ZFHX3: variants seen among roughly 807,000 people sequenced by gnomAD.
ZFHX3 encodes the protein zinc finger homeobox 3.
Under a neutral mutation model 279.1 loss-of-function variants are expected in ZFHX3, and 42 were observed. That is an observed-to-expected ratio of 0.15 (90% CI 0.12 to 0.19). ZFHX3 has a LOEUF of 0.19. ZFHX3 is among the 10% of genes least tolerant of loss of function. ZFHX3 has a pLI of 1.00. For synonymous variants in ZFHX3, 2,293 were observed against 1,957.8 expected, an observed-to-expected ratio of 1.17 and a Z score of -4.52; for missense variants, 4,981 against 4,754.0, an observed-to-expected ratio of 1.05 and a Z score of -1.40.
At chr16:73,711,012 C>G (rs376945602) in intron 1 of ZFHX3, among the ~76,000 whole-genome samples, 2 of 152,202 alleles carry the variant, frequency 1.3e-5, no homozygotes, top group South Asian at 4.1e-4. Context: ...TACGGAAAGA[C>G]GTGCTGTAAT....
intron 1 of ZFHX3, among the ~76,000 whole-genome samples, chr16:73,684,634 G>A (rs1166954931): frequency 6.6e-6 from 1 of 151,692 alleles, no homozygotes; most frequent in South Asian, 2.1e-4. Flanking sequence ...CAAATCAGCT[G>A]ACCTCAAAAT....
At chr16:73,283,978 T>G (rs978728637) in intron 4 of ZFHX3, among the ~76,000 whole-genome samples, 2 of 150,384 alleles carry the variant, frequency 1.3e-5, no homozygotes, top group East Asian at 4.0e-4. Flanking sequence ...AAAAAACAGT[T>G]TTTATTCACT....
At chr16:73,156,462 C>T (rs951151599) in intron 5 of ZFHX3, among the ~76,000 whole-genome samples, 2 of 152,078 alleles carry the variant, frequency 1.3e-5, no homozygotes, top group African/African-American at 2.4e-5. Flanking sequence ...ACCATGGATC[C>T]GTCATCATTT....
intron 2 of ZFHX3, among the ~76,000 whole-genome samples, chr16:73,508,581 A>G (rs1303688603): frequency 6.6e-6 from 1 of 152,240 alleles, no homozygotes; most frequent in African/African-American, 2.4e-5. Flanking sequence ...ACATGGAACC[A>G]GTTAGGGAAA....
At chr16:73,222,665 T>C (rs558536979) in intron 5 of ZFHX3, among the ~76,000 whole-genome samples, 1 of 152,128 alleles carries the variant, frequency 6.6e-6, no homozygotes, top group South Asian at 2.1e-4. Flanking sequence ...ATAGATTCAG[T>C]GTAGTCTCAA....
chr16:73,264,810 A>C (rs28587902), intron 4 of ZFHX3, among the ~76,000 whole-genome samples: 110,593 of 151,838 alleles, frequency 0.73, 41,447 homozygotes, highest in Middle Eastern at 0.87. Flanking sequence ...CTTAGCTCTC[A>C]CTTATGAATG....
rs112525195 is a variant in ZFHX3 at position 73,474,726 on chromosome 16, C to A, written c.-1546-18468G>T. Among the ~76,000 whole-genome samples the A allele has an allele frequency of 3.5e-3, 528 of 152,332 alleles. 1 individual carries two copies. The highest frequency in any genetic ancestry group is 0.012 in the African/African-American group (505 of 41,580). On this transcript the variant is annotated intron_variant, in intron 2 of 17. Coordinates refer to the ZFHX3 transcript ENST00000641206. ...CTGCTCTGGAACTAGACTATACACA[C>A]CCTGACTTTAGTCTCATTCCATTTT...
At chr16:73,783,015 C>A (rs755686069) in intron 1 of ZFHX3, among the ~76,000 whole-genome samples, 1 of 152,074 alleles carries the variant, frequency 6.6e-6, no homozygotes, top group South Asian at 2.1e-4. Context: ...GATGCTGGGG[C>A]AATATGGAAG....
intron 4 of ZFHX3, among the ~76,000 whole-genome samples, chr16:73,264,515 G>T (rs1341488669): frequency 6.6e-6 from 1 of 151,944 alleles, no homozygotes; most frequent in African/African-American, 2.4e-5. Context: ...ATCTTAGGAA[G>T]TTCTGCTACT....
chr16:73,545,076 AAC>A, intron 2 of ZFHX3, among the ~76,000 whole-genome samples: 1 of 152,200 alleles, frequency 6.6e-6, no homozygotes, highest in Admixed American at 6.5e-5. Context: ...CAGAGCACGA[AAC>A]ACAAAGGGAA....
At chr16:73,611,184 A>T (rs535849166) in intron 2 of ZFHX3, among the ~76,000 whole-genome samples, 2 of 152,254 alleles carry the variant, frequency 1.3e-5, no homozygotes, top group South Asian at 4.2e-4. Flanking sequence ...GACTGTCCAC[A>T]AGCTTCCCGG....
At chr16:72,827,307 G>A (rs1218526860) in intron 5 of ZFHX3, among the ~76,000 whole-genome samples, 2 of 152,120 alleles carry the variant, frequency 1.3e-5, no homozygotes, top group African/African-American at 2.4e-5. Flanking sequence ...CTTACATAGA[G>A]CTTACAACAT....
At chr16:73,866,248 C>T (rs1233216601) in intron 1 of ZFHX3, among the ~76,000 whole-genome samples, 1 of 138,714 alleles carries the variant, frequency 7.2e-6, no homozygotes, top group Non-Finnish European at 1.5e-5. Flanking sequence ...GGTACGATCT[C>T]GGCTCATTGC....
At chr16:73,764,178 A>G (rs183180402) in intron 1 of ZFHX3, among the ~76,000 whole-genome samples, 5 of 152,292 alleles carry the variant, frequency 3.3e-5, no homozygotes, top group Admixed American at 1.3e-4. Flanking sequence ...CAGACACCAG[A>G]GGGAGAGAGG....
intron 5 of ZFHX3, among the ~76,000 whole-genome samples, chr16:73,153,362 G>C (rs979539185): frequency 2.0e-5 from 3 of 152,160 alleles, no homozygotes; most frequent in African/African-American, 7.2e-5. Context: ...AAGACTCAAA[G>C]AAGCCTCCTG....
At chr16:73,037,303 C>A (rs1344837354) in intron 1 of ZFHX3, among the ~76,000 whole-genome samples, 2 of 152,152 alleles carry the variant, frequency 1.3e-5, no homozygotes, top group Non-Finnish European at 2.9e-5. Context: ...TAAAATTCTG[C>A]ATCTCTTTAA....
intron 1 of ZFHX3, among the ~76,000 whole-genome samples, chr16:73,847,891 C>G (rs904240151): frequency 6.4e-5 from 9 of 141,672 alleles, no homozygotes; most frequent in African/African-American, 2.1e-4. Flanking sequence ...GCACGTGCCA[C>G]TATGCCTGGC....
intron 2 of ZFHX3, among the ~76,000 whole-genome samples, chr16:73,662,337 C>G (rs1017970084): frequency 2.0e-5 from 3 of 152,118 alleles, no homozygotes; most frequent in African/African-American, 4.8e-5. Context: ...TTCTCTCTCA[C>G]GCAGAAATAT....
At chr16:73,044,809 C>T (rs959340787) in intron 1 of ZFHX3, among the ~76,000 whole-genome samples, 2 of 152,048 alleles carry the variant, frequency 1.3e-5, no homozygotes, top group Admixed American at 6.6e-5. Flanking sequence ...TTAGTAGAGA[C>T]GGGGTTTCTC....
Sources: allele counts gnomAD v4.1 joint callset (sites outside exome capture counted in the v4.1 genomes callset), GRCh38; gene constraint gnomAD v4.1.1; transcripts MANE v1.5; gene names NCBI Gene and HGNC (gene_info 2026-07-23, HGNC 2026-07-21).